The following NLRP8 variants were observed in gnomAD, a reference collection of about 807,000 sequenced individuals.
The protein encoded by NLRP8 is NACHT, LRR and PYD domains-containing protein 8.
Under a neutral mutation model 88.7 loss-of-function variants are expected in NLRP8, and 86 were observed. That is an observed-to-expected ratio of 0.97 (90% confidence interval 0.81 to 1.16). NLRP8 has a LOEUF of 1.16. Ranked by LOEUF, NLRP8 falls within the 50% of genes most tolerant of loss-of-function variation. The probability of loss-of-function intolerance (pLI) is 0.00; values close to 1 mark genes in which losing one functional copy is unlikely to be tolerated. For synonymous variants in NLRP8, 504 were observed against 494.6 expected, an observed-to-expected ratio of 1.02 and a Z score of -0.25; for missense variants, 1,342 against 1,286.5, an observed-to-expected ratio of 1.04 and a Z score of -0.66.
chr19:55,986,466 T>A (rs923671052), intron 9 of NLRP8, among the ~76,000 whole-genome samples: 19 of 32,082 alleles, frequency 5.9e-4, no homozygotes, highest in Non-Finnish European at 9.1e-4. Flanking sequence ...ACACACACTC[T>A]CTCACATACA....
intron 3 of NLRP8, among the ~76,000 whole-genome samples, chr19:55,957,856 C>T (rs1413857770): frequency 6.6e-6 from 1 of 151,808 alleles, no homozygotes; most frequent in African/African-American, 2.4e-5. Flanking sequence ...CAAAACTCTT[C>T]CAGAAGATCT....
chr19:55,979,514 G>T lies in NLRP8; in HGVS notation c.2997G>T (p.Leu999=). 5 of 1,614,222 alleles carry T rather than the reference G, an allele frequency of 3.1e-6. No individual in the cohort carries two copies. The highest frequency in any genetic ancestry group is 4.2e-6 in the Non-Finnish European group (5 of 1,180,028). ...ATGCGATTGGAGTCTATGGTATTCT[G>T]ACCTTGTGCGAGGCCTTCTCAAGCC... is the stretch of plus-strand genomic sequence containing the variant. The change falls in exon 9 of 10, where the codon CTG becomes CTT. Residue 999 remains leucine, a synonymous_variant. Coordinates refer to ENST00000291971, the MANE Select transcript of NLRP8 (RefSeq NM_176811.2).
intron 4 of NLRP8, among the ~76,000 whole-genome samples, chr19:55,964,618 G>C (rs1979756732): frequency 6.6e-6 from 1 of 151,964 alleles, no homozygotes; most frequent in Admixed American, 6.6e-5. Flanking sequence ...TTGGTGTGGT[G>C]GTGCACATCT....
chr19:55,961,955 C>A, intron 3 of NLRP8, 112 bp from the exon 4 acceptor site: 1 of 956,688 alleles, frequency 1.0e-6, no homozygotes, highest in Non-Finnish European at 1.6e-6. Context: ...GTCTTAGAGT[C>A]ACTAGAGGCC....
chr19:55,973,162 A>G (rs1484012216), intron 6 of NLRP8, among the ~76,000 whole-genome samples: 1 of 152,108 alleles, frequency 6.6e-6, no homozygotes, highest in Non-Finnish European at 1.5e-5. Context: ...GTGAGGTGGT[A>G]TTGCATTGAG....
intron 9 of NLRP8, among the ~76,000 whole-genome samples, chr19:55,982,814 C>T (rs116851213): frequency 8.7e-4 from 132 of 152,212 alleles, no homozygotes; most frequent in East Asian, 3.9e-3. Context: ...GGCATGATGG[C>T]GCATGCCTGT....
At chr19:55,959,193 G>GT (rs1185418704) in intron 3 of NLRP8, among the ~76,000 whole-genome samples, 5 of 129,696 alleles carry the variant, frequency 3.9e-5, no homozygotes, top group Admixed American at 8.0e-5. Context: ...GTATTTTTTT[G>GT]TTTTTTTGTA....
intron 8 of NLRP8, among the ~76,000 whole-genome samples, chr19:55,977,113 T>C (rs368025470): frequency 2.7e-5 from 4 of 147,102 alleles, no homozygotes; most frequent in Non-Finnish European, 6.0e-5. Flanking sequence ...TACATATATA[T>C]GTATATAAAG....
chr19:55,970,466 G>A (rs950759117), intron 5 of NLRP8, 78 bp from the exon 6 acceptor site: 1 of 1,499,576 alleles, frequency 6.7e-7, no homozygotes, highest in Middle Eastern at 1.8e-4. Context: ...TGAGACATGA[G>A]ACAGTGGAAT....
At position 55,976,518 on chromosome 19, in the gene NLRP8, C is replaced by T. The variant is rs1242519080; in HGVS notation, c.2876+215C>T. Among the ~76,000 whole-genome samples, 4 of 152,138 alleles carry T rather than the reference C, an allele frequency of 2.6e-5. No individual in the cohort carries two copies. The East Asian group carries it at 7.7e-4, about 29-fold the overall frequency. ...AGGACACACACAAATTTTGGGGCCC[C>T]ACTTCGGACCTAGGGAACCAGAAAC... is the stretch of plus-strand genomic sequence containing the variant. On this transcript the variant is annotated intron_variant, in intron 8 of 9. Coordinates refer to ENST00000291971, the MANE Select transcript of NLRP8 (RefSeq NM_176811.2).
intron 4 of NLRP8, among the ~76,000 whole-genome samples, chr19:55,963,812 C>T (rs1342504577): frequency 6.6e-6 from 1 of 152,118 alleles, no homozygotes; most frequent in Non-Finnish European, 1.5e-5. Context: ...GTCTCAGCCT[C>T]CCAAAATGCT....
intron 4 of NLRP8, among the ~76,000 whole-genome samples, chr19:55,962,743 G>A (rs557388485): frequency 6.6e-6 from 1 of 152,172 alleles, no homozygotes; most frequent in South Asian, 2.1e-4. Context: ...CCATGATCTG[G>A]CCACTGCACT....
intron 6 of NLRP8, among the ~76,000 whole-genome samples, chr19:55,971,439 CA>C (rs34787079): frequency 0.12 from 10,399 of 86,846 alleles, 558 homozygotes; most frequent in East Asian, 0.44. Flanking sequence ...AGACTCGTCT[CA>C]AAAAAAAAAA....
rs142158901 is a variant in NLRP8, at chr19:55,982,808, T to G, written c.3047+3244T>G. Among the ~76,000 whole-genome samples the G allele has an allele frequency of 1.1e-3, 163 of 152,184 alleles. 1 individual carries two copies. The highest frequency in any genetic ancestry group is 6.8e-3 in the Middle Eastern group (2 of 292). On this transcript the variant is annotated intron_variant, in intron 9 of 9. Coordinates refer to ENST00000291971, the MANE Select transcript of NLRP8 (RefSeq NM_176811.2). ...AAATGTTTTACAAATCACCTGGGCA[T>G]GATGGCGCATGCCTGTGGTCCCAGC...
chr19:55,952,574 T>C lies in NLRP8; in HGVS notation c.404T>C (p.Val135Ala). 1 of 1,614,062 alleles carries C rather than the reference T, an allele frequency of 6.2e-7. No individual in the cohort carries two copies. The highest frequency in any genetic ancestry group is 8.5e-7 in the Non-Finnish European group (1 of 1,179,970). The change falls in exon 2 of 10, where the codon GTG becomes GCG. Residue 135 changes from valine (V) to alanine (A), a missense_variant. By Grantham distance (64) the Val-to-Ala change is moderately conservative. Transcript: ENST00000291971. ...ACCTTGGAACCAGAGGACTTGAATG[T>C]GGGAGAAACACAGGTGAATCTGGAG...
intron 5 of NLRP8, among the ~76,000 whole-genome samples, chr19:55,968,395 C>T (rs1051547256): frequency 7.3e-5 from 11 of 151,384 alleles, no homozygotes; most frequent in Middle Eastern, 3.5e-3. Context: ...GCCGAGATCA[C>T]GCCATTGCAC....
intron 9 of NLRP8, among the ~76,000 whole-genome samples, chr19:55,983,463 C>CAAAAAAAAAA (rs3974175): frequency 1.3e-4 from 11 of 85,328 alleles, no homozygotes; most frequent in Non-Finnish European, 1.5e-4. Context: ...GACTCCATCT[C>CAAAAAAAAAA]AAAAAAAAAA....
At position 55,987,823 on chromosome 19, in the gene NLRP8, T is replaced by A. The variant is rs761626890; in HGVS notation, c.3057T>A (p.Pro1019=). 6.2e-7 allele frequency: 1 copy of A among 1,613,710 alleles called. No individual in the cohort carries two copies. Among genetic ancestry groups the A allele is most frequent in the Admixed American group, 1.7e-5 (1 of 59,986 alleles). Residue 1019 remains proline (P), a synonymous_variant, in exon 10 of 10, where the codon CCT becomes CCA. Transcript: ENST00000291971. Reference sequence around the variant, plus strand: ...CTTTACCTCCCTCCAGCTGTATTCCTGCCTGGACTCGAATAACTAGCTTCT... The same window carrying A: ...CTTTACCTCCCTCCAGCTGTATTCCAGCCTGGACTCGAATAACTAGCTTCT...
chr19:55,953,215 A>G (rs1979174176), intron 2 of NLRP8, among the ~76,000 whole-genome samples: 1 of 152,036 alleles, frequency 6.6e-6, no homozygotes, highest in Non-Finnish European at 1.5e-5. Context: ...CTCTCCTGAG[A>G]ATCTAATGCC....
Sources: allele counts gnomAD v4.1 joint callset (sites outside exome capture counted in the v4.1 genomes callset), GRCh38; gene constraint gnomAD v4.1.1; transcripts MANE v1.5; gene names NCBI Gene and HGNC (gene_info 2026-07-23, HGNC 2026-07-21).